Variants in DENND4A observed in about 807,000 individuals in gnomAD.
DENND4A encodes the protein C-myc promoter-binding protein.
DENND4A carries 70 observed loss-of-function variants against 199.3 expected under a neutral mutation model. The observed-to-expected ratio is 0.35, with a 90% CI of 0.29 to 0.43. The LOEUF (loss-of-function observed/expected upper bound fraction) is 0.43. Among genes scored for constraint, DENND4A ranks in the 20% least tolerant of loss-of-function variants. DENND4A has a pLI of 1.00. For missense variants in DENND4A, 1,723 were observed against 2,255.8 expected (o/e 0.76, Z 4.78); for synonymous variants, 686 against 766.9 (o/e 0.89, Z 1.74).
chr15:65,731,573 G>C, intron 9 of DENND4A, 69 bp downstream of exon 9: 1 of 1,205,762 alleles, frequency 8.3e-7, no homozygotes, highest in Non-Finnish European at 1.2e-6. Context: ...ATTTTAGCTA[G>C]GAAAAATAAA....
chr15:65,773,090 G>A (rs1046227310), intron 1 of DENND4A, among the ~76,000 whole-genome samples: 1 of 151,880 alleles, frequency 6.6e-6, no homozygotes, highest in East Asian at 1.9e-4. Flanking sequence ...GCATCCAGTG[G>A]CATCAACGGT....
intron 14 of DENND4A, among the ~76,000 whole-genome samples, chr15:65,713,046 C>T (rs2075294094): frequency 1.3e-5 from 2 of 152,102 alleles, no homozygotes; most frequent in African/African-American, 4.8e-5. Flanking sequence ...ATACAATCAT[C>T]TGGGAATTAA....
At chr15:65,712,960 G>A (rs1247503683) in intron 14 of DENND4A, among the ~76,000 whole-genome samples, 1 of 152,082 alleles carries the variant, frequency 6.6e-6, no homozygotes, top group Non-Finnish European at 1.5e-5. Context: ...ATCTTTGAGA[G>A]TAAGCTGCTG....
intron 1 of DENND4A, among the ~76,000 whole-genome samples, chr15:65,768,419 C>A (rs12905244): frequency 6.6e-6 from 1 of 152,124 alleles, no homozygotes; most frequent in East Asian, 1.9e-4. Context: ...CATCATCCAT[C>A]ACAAACACCT....
Position 65,660,405 on chromosome 15 carries a change from G to GACACT in DENND4A, c.*1445_*1446insAGTGT. On this transcript the variant is annotated 3_prime_UTR_variant, in exon 33 of 33. Coordinates refer to ENST00000443035, the MANE Select transcript of DENND4A (RefSeq NM_001320835.1). Reference sequence around the variant, plus strand: ...CCAAGATACCTCCAGTCCAAGTGTCGTGGACTCTACTGGCTTTATACACCT... The same window carrying GACACT: ...CCAAGATACCTCCAGTCCAAGTGTCGACACTTGGACTCTACTGGCTTTATACACCT... The GACACT allele has an allele frequency of 3.8e-6, 4 of 1,044,672 alleles. No homozygotes were observed. The highest frequency in any genetic ancestry group is 5.7e-6 in the Non-Finnish European group (4 of 705,698). 64.7% of individuals were successfully genotyped at this position (1,044,672 alleles called of 1,614,324 possible).
At chr15:65,768,994 C>CA (rs970919518) in intron 1 of DENND4A, among the ~76,000 whole-genome samples, 17 of 140,752 alleles carry the variant, frequency 1.2e-4, no homozygotes, top group East Asian at 6.3e-4. Context: ...AACTCTGTCT[C>CA]AAAAAAAACC....
chr15:65,682,414 T>C (rs770499798), intron 23 of DENND4A, among the ~76,000 whole-genome samples: 10 of 152,228 alleles, frequency 6.6e-5, no homozygotes, highest in Non-Finnish European at 1.2e-4. Context: ...CTCTGCTGGC[T>C]TCAAACTTTT....
intron 4 of DENND4A, among the ~76,000 whole-genome samples, chr15:65,746,363 T>C (rs2076390898): frequency 7.3e-6 from 1 of 137,110 alleles, no homozygotes; most frequent in African/African-American, 2.9e-5. Flanking sequence ...AATTCTACTT[T>C]TTTCTCTTTT....
intron 27 of DENND4A, 85 bp from the exon 28 acceptor site, chr15:65,668,208 CTCT>C: frequency 5.4e-5 from 52 of 958,774 alleles, no homozygotes; most frequent in African/African-American, 3.3e-4. Flanking sequence ...CTCTCTCTCT[CTCT>C]TTTTTTTTTT....
At position 65,710,450 on chromosome 15, in the gene DENND4A, T is replaced by C. The variant is rs189465673; in HGVS notation, c.1954-4226A>G. 1.9e-3 allele frequency among the ~76,000 whole-genome samples: 283 copies of C among 152,274 alleles called. 2 individuals are homozygous for C. Among genetic ancestry groups the C allele is most frequent in the Admixed American group, 0.012 (180 of 15,302 alleles). On this transcript the variant is annotated intron_variant, in intron 14 of 32. Transcript: ENST00000443035. ...TCAGTAAGGTTTGCACAAGGAACAA[T>C]AGTTACACAAATGTATGCCACTGTT...
intron 2 of DENND4A, among the ~76,000 whole-genome samples, chr15:65,760,445 C>G (rs977604052): frequency 6.6e-6 from 1 of 152,140 alleles, no homozygotes; most frequent in Non-Finnish European, 1.5e-5. Flanking sequence ...TTGCAGTGAG[C>G]TGAGATCATG....
At chr15:65,706,525 T>G (rs1245973731) in intron 14 of DENND4A, among the ~76,000 whole-genome samples, 1 of 150,518 alleles carries the variant, frequency 6.6e-6, no homozygotes, top group African/African-American at 2.4e-5. Flanking sequence ...TTTGAGACAG[T>G]CTTGCTCTAT....
intron 2 of DENND4A, 121 bp from the exon 3 acceptor site, chr15:65,756,593 G>C: frequency 1.7e-6 from 1 of 573,692 alleles, no homozygotes; most frequent in Non-Finnish European, 2.9e-6. Flanking sequence ...AAACACAGTA[G>C]CATTGTATAT....
rs1380380405 is a variant in DENND4A, at chr15:65,691,521, A to C, written c.3083-10T>G. 1 of 1,557,860 alleles carries C rather than the reference A, an allele frequency of 6.4e-7. No individual in the cohort carries two copies. Among genetic ancestry groups the C allele is most frequent in the South Asian group, 1.2e-5 (1 of 82,160 alleles). On this transcript the variant is annotated splice_polypyrimidine_tract_variant and intron_variant, in intron 22 of 32. Transcript: ENST00000443035. ...AGCTCAGGTGTGCTTTCTGAAAAACAAGTAAAGTGCTTTTAGCCATGAAAA... is the reference window on the plus strand; with the variant it reads ...AGCTCAGGTGTGCTTTCTGAAAAACCAGTAAAGTGCTTTTAGCCATGAAAA...
chr15:65,674,205 TATATGATAAATATC>T (rs2076300761), intron 24 of DENND4A, among the ~76,000 whole-genome samples: 1 of 152,182 alleles, frequency 6.6e-6, no homozygotes, highest in Non-Finnish European at 1.5e-5. Flanking sequence ...ATATTTGATA[TATATGATAAATATC>T]ACTTAAAAGT....
At chr15:65,738,071 G>T in intron 6 of DENND4A, 126 bp from the exon 7 acceptor site, 2 of 871,566 alleles carry the variant, frequency 2.3e-6, no homozygotes, top group Non-Finnish European at 3.4e-6. Context: ...AGAACACAGT[G>T]ATGAAGAGAC....
At chr15:65,754,706 C>G (rs1048598546) in intron 3 of DENND4A, among the ~76,000 whole-genome samples, 1 of 152,162 alleles carries the variant, frequency 6.6e-6, no homozygotes, top group South Asian at 2.1e-4. Context: ...CAAATCAAGA[C>G]CATATGAGAT....
Position 65,670,091 on chromosome 15 carries a change from T to G in DENND4A, c.4562A>C (p.Asn1521Thr). The change falls in exon 26 of 33, where the codon AAT becomes ACT. Residue 1521 changes from asparagine (N) to threonine (T), a missense_variant. By Grantham distance (65) the Asn-to-Thr change is moderately conservative (BLOSUM62 0). Around this residue, in one of 6 missense-constraint regions of DENND4A, gnomAD observed 7 missense variants for 28.4 expected, o/e 0.25. Transcript: ENST00000443035. ...AGWTADDSNL[N>T]TTCPFCGNIF... ...ATTGCCACAGAATGGGCATGTAGTA[T>G]TGAGATTTGAATCATCTGCTGTCCA... The G allele has an allele frequency of 6.2e-7, 1 of 1,607,020 alleles. No individual in the cohort carries two copies.
chr15:65,660,614 T>C lies in DENND4A; in HGVS notation c.*1237A>G, dbSNP rs1027430326. 3 of 255,654 alleles carry C rather than the reference T, an allele frequency of 1.2e-5. No homozygotes were observed. Among genetic ancestry groups the C allele is most frequent in the African/African-American group, 8.8e-5 (3 of 34,016 alleles). 15.8% of individuals were successfully genotyped at this position (255,654 alleles called of 1,614,324 possible). ...ATTAGAAATAATATGACTAAAAATA[T>C]ATTTTTAAAGCTATTTAATACTCAT... On this transcript the variant is annotated 3_prime_UTR_variant, in exon 33 of 33. Coordinates refer to ENST00000443035, the MANE Select transcript of DENND4A (RefSeq NM_001320835.1).
Sources: allele counts gnomAD v4.1 joint callset (sites outside exome capture counted in the v4.1 genomes callset), GRCh38; gene constraint gnomAD v4.1.1; regional missense constraint gnomAD v4.1.1; transcripts MANE v1.5; gene names NCBI Gene and HGNC (gene_info 2026-07-23, HGNC 2026-07-21).